The following SKP2 variants were observed in gnomAD, a reference collection of about 807,000 sequenced individuals.
SKP2 encodes S-phase kinase associated protein 2.
SKP2 carries 16 observed loss-of-function variants against 51.8 expected under a neutral mutation model. The observed-to-expected ratio is 0.31, with a 90% CI of 0.21 to 0.47. The LOEUF is 0.47. Among genes scored for constraint, SKP2 ranks in the 20% least tolerant of loss-of-function variants. The probability of loss-of-function intolerance (pLI) is 1.00; values close to 1 mark genes in which losing one functional copy is unlikely to be tolerated. For missense variants in SKP2, 377 were observed against 505.3 expected (o/e 0.75, Z 2.43); for synonymous variants, 176 against 198.6 (o/e 0.89, Z 0.96).
At chr5:36,162,387 G>A (rs765744477) in intron 2 of SKP2, among the ~76,000 whole-genome samples, 1 of 152,168 alleles carries the variant, frequency 6.6e-6, no homozygotes, top group South Asian at 2.1e-4. Context: ...CTTAGTGATC[G>A]TCATCTCAGT....
In SKP2 at chr5:36,152,635, G is replaced by A. The variant is rs1024795074; in HGVS notation, c.9-136G>A. The A allele has an allele frequency of 9.2e-6, 8 of 871,348 alleles. No homozygotes were observed. The African/African-American group carries it at 1.0e-4, about 11-fold the overall frequency. 54.0% of individuals were successfully genotyped at this position (871,348 alleles called of 1,614,324 possible). On this transcript the variant is annotated intron_variant, in intron 1 of 9. Coordinates refer to ENST00000274255, the MANE Select transcript of SKP2 (RefSeq NM_005983.4). ...TTCGTTTTCTTGGTAACTCGCCGCA[G>A]GCACATAAAAAATGCGATTCTGTTA...
At chr5:36,180,282 C>A in intron 9 of SKP2, 1 of 1,340,130 alleles carries the variant, frequency 7.5e-7, no homozygotes, top group Non-Finnish European at 9.9e-7. Flanking sequence ...AGCTGGATTG[C>A]TGTCATCGTA....
downstream of SKP2, among the ~76,000 whole-genome samples, chr5:36,188,455 T>C (rs1745976201): frequency 6.6e-6 from 1 of 152,232 alleles, no homozygotes; most frequent in Non-Finnish European, 1.5e-5. Flanking sequence ...CATTTGCTTG[T>C]CTGTAAAGGA....
chr5:36,188,052 A>G (rs1745972747), downstream of SKP2, among the ~76,000 whole-genome samples: 1 of 151,898 alleles, frequency 6.6e-6, no homozygotes, highest in African/African-American at 2.4e-5. Context: ...TAGGATTGCA[A>G]CCCCTGCCTT....
intron 2 of SKP2, among the ~76,000 whole-genome samples, chr5:36,159,643 T>C (rs1745063387): frequency 6.6e-6 from 1 of 152,098 alleles, no homozygotes; most frequent in African/African-American, 2.4e-5. Context: ...AGCTCTGGGG[T>C]AGTTTCTAGA....
At chr5:36,192,600 G>A (rs960737123) in intron 6 of SKP2, 3 of 152,144 alleles carry the variant, frequency 2.0e-5, no homozygotes, top group Admixed American at 2.0e-4. Flanking sequence ...AGTAAAACAT[G>A]TAATATGATT....
At position 36,183,236 on chromosome 5, in the gene SKP2, A is replaced by G; in HGVS notation, c.*1205A>G. 5 of 947,432 alleles carry G rather than the reference A, an allele frequency of 5.3e-6. No homozygotes were observed. Among genetic ancestry groups the G allele is most frequent in the Non-Finnish European group, 6.3e-6 (5 of 795,414 alleles). 58.7% of individuals were successfully genotyped at this position (947,432 alleles called of 1,614,324 possible). On this transcript the variant is annotated 3_prime_UTR_variant, in exon 10 of 10. Coordinates refer to ENST00000274255, the MANE Select transcript of SKP2 (RefSeq NM_005983.4). Reference sequence around the variant, plus strand: ...GATATATATTTTTTTAAACTGGTACAGAGAAGTGAAAAGATTAAATTCTAC... The same window carrying G: ...GATATATATTTTTTTAAACTGGTACGGAGAAGTGAAAAGATTAAATTCTAC...
At chr5:36,187,964 G>A (rs112681888), downstream of SKP2, among the ~76,000 whole-genome samples, 9,189 of 152,150 alleles carry the variant, frequency 0.06, 963 homozygotes, top group African/African-American at 0.21. Flanking sequence ...TCTTCTTGTT[G>A]AATTGATCCC....
chr5:36,176,878 AT>A (rs1745649782), intron 7 of SKP2, 86 bp from the exon 8 acceptor site: 2 of 809,548 alleles, frequency 2.5e-6, no homozygotes, highest in Non-Finnish European at 4.1e-6. Flanking sequence ...AACTTCCAGC[AT>A]GATGTTCAAT....
chr5:36,161,242 G>A (rs532829712), intron 2 of SKP2, among the ~76,000 whole-genome samples: 1 of 150,464 alleles, frequency 6.6e-6, no homozygotes, highest in Non-Finnish European at 1.5e-5. Context: ...AAATATGGGA[G>A]TGGATGAATG....
intron 2 of SKP2, among the ~76,000 whole-genome samples, chr5:36,162,504 C>G (rs1297987676): frequency 6.6e-6 from 1 of 152,198 alleles, no homozygotes; most frequent in Non-Finnish European, 1.5e-5. Flanking sequence ...ATCAATTTTA[C>G]TATATCATAT....
At chr5:36,178,471 T>C (rs1267022616) in intron 9 of SKP2, among the ~76,000 whole-genome samples, 2 of 152,154 alleles carry the variant, frequency 1.3e-5, no homozygotes, top group East Asian at 3.9e-4. Flanking sequence ...TCTGAGCTGG[T>C]ATCTCATTTG....
Position 36,182,178 on chromosome 5 carries a change from A to G in SKP2, c.*147A>G, listed in dbSNP as rs1745832748. Reference sequence around the variant, plus strand: ...ACTAGGGAGCCATTTGAGAGGGAAAACTATGAAATCTTGCTTTTTGAAATG... The same window carrying G: ...ACTAGGGAGCCATTTGAGAGGGAAAGCTATGAAATCTTGCTTTTTGAAATG... On this transcript the variant is annotated 3_prime_UTR_variant, in exon 10 of 10. Transcript: ENST00000274255. 4.2e-6 allele frequency: 6 copies of G among 1,424,282 alleles called. No individual in the cohort carries two copies. The highest frequency in any genetic ancestry group is 5.5e-6 in the Non-Finnish European group (6 of 1,092,796). 88.2% of individuals were successfully genotyped at this position (1,424,282 alleles called of 1,614,324 possible). A position where few individuals can be genotyped will look rare whatever the true frequency, so the allele number is the denominator to read the frequency against.
Position 36,181,933 on chromosome 5 carries a change from T to G in SKP2, c.1177T>G (p.Phe393Val). Residue 393 changes from phenylalanine to valine, a missense_variant, in exon 10 of 10, where the codon TTC (phenylalanine) becomes GTC (valine). Physicochemically the swap from Phe to Val is conservative, Grantham distance 50. Around this residue, in one of 2 missense-constraint regions of SKP2, gnomAD observed 262 missense variants for 389.8 expected, o/e 0.67. Coordinates refer to ENST00000274255, the MANE Select transcript of SKP2 (RefSeq NM_005983.4). ...LPHLQINCSH[F>V]TTIARPTIGN... ...TCATCTACAGATTAATTGCTCCCAT[T>G]TCACCACCATTGCCAGGCCAACTAT... The G allele has an allele frequency of 6.2e-7, 1 of 1,614,154 alleles. No homozygotes were observed. Among genetic ancestry groups the G allele is most frequent in the Non-Finnish European group, 8.5e-7 (1 of 1,180,016 alleles).
chr5:36,177,333 A>G, intron 9 of SKP2, 41 bp downstream of exon 9: 1 of 1,170,670 alleles, frequency 8.5e-7, no homozygotes. Context: ...GAAGGCAGGA[A>G]ACAACAGAGA....
intron 7 of SKP2, among the ~76,000 whole-genome samples, chr5:36,175,217 C>G (rs932365246): frequency 1.3e-5 from 2 of 152,020 alleles, no homozygotes; most frequent in Non-Finnish European, 2.9e-5. Flanking sequence ...GAAAAATAGT[C>G]CACTATGATT....
chr5:36,153,149 C>G (rs1744805469), intron 2 of SKP2, 107 bp downstream of exon 2: 1 of 1,093,926 alleles, frequency 9.1e-7, no homozygotes, highest in Non-Finnish European at 1.3e-6. Context: ...TTTAAGATTG[C>G]CTAATTCTGA....
chr5:36,170,459 A>G lies in SKP2; in HGVS notation c.770+17A>G. On this transcript the variant is annotated intron_variant, in intron 6 of 9. Coordinates refer to ENST00000274255, the MANE Select transcript of SKP2 (RefSeq NM_005983.4). ...CTGTTCCAGGTATGAAAGATGTGAG[A>G]CTTGATTATAGACTCTTATGTCAAA... The G allele has an allele frequency of 2.8e-6, 4 of 1,424,508 alleles. No homozygotes were observed. Among genetic ancestry groups the G allele is most frequent in the South Asian group, 1.2e-5 (1 of 85,566 alleles). 88.2% of individuals were successfully genotyped at this position (1,424,508 alleles called of 1,614,324 possible).
In SKP2 at chr5:36,180,288, T is replaced by A. The variant is rs538565107; in HGVS notation, c.1062-1530T>A. On this transcript the variant is annotated intron_variant, in intron 9 of 9. Transcript: ENST00000274255. ...CAAAGTTGGAGCTGGATTGCTGTCA[T>A]CGTAAGTGATTAAGTATAAGTATCT... 91 of 1,334,078 alleles carry A rather than the reference T, an allele frequency of 6.8e-5. No individual in the cohort carries two copies. In the African/African-American group the frequency reaches 1.2e-3, roughly 18 times the overall value. The allele number at this position is 1,334,078 out of a possible 1,614,324, so 82.6% of individuals were successfully genotyped here.
Sources: allele counts gnomAD v4.1 joint callset (sites outside exome capture counted in the v4.1 genomes callset), GRCh38; gene constraint gnomAD v4.1.1; regional missense constraint gnomAD v4.1.1; transcripts MANE v1.5; gene names NCBI Gene and HGNC (gene_info 2026-07-23, HGNC 2026-07-21).